Variants in TRPS1 observed in about 807,000 individuals in gnomAD.
TRPS1 encodes the protein zinc finger transcription factor Trps1.
Under a neutral mutation model 101.2 loss-of-function variants are expected in TRPS1, and 6 were observed. The ratio of observed to expected loss-of-function variants is 0.06; its 90% CI spans 0.03 to 0.12. The LOEUF (loss-of-function observed/expected upper bound fraction) is 0.12. Among genes scored for constraint, TRPS1 ranks in the 10% least tolerant of loss-of-function variants. TRPS1 has a pLI of 1.00. For missense variants in TRPS1, 1,363 were observed against 1,567.0 expected (o/e 0.87, Z 2.20); for synonymous variants, 578 against 589.8 (o/e 0.98, Z 0.29).
chr8:115,426,042 T>C (rs1224435792), intron 5 of TRPS1, among the ~76,000 whole-genome samples: 1 of 152,208 alleles, frequency 6.6e-6, no homozygotes, highest in Non-Finnish European at 1.5e-5. Flanking sequence ...AAAGTCATTA[T>C]TGTTAAAAGA....
rs1818820462 is a variant in TRPS1, at chr8:115,638,467, G to A, written c.-121-14709C>T. ...GTCATGAAGGTACCTTTGGGCAGAA[G>A]CCAACACTGCCTTTAAGGCCCCAAA... On this transcript the variant is annotated intron_variant, in intron 1 of 6. Transcript: ENST00000395715. Among the ~76,000 whole-genome samples, 3 of 152,246 alleles carry A rather than the reference G, an allele frequency of 2.0e-5. No homozygotes were observed. The South Asian group carries it at 6.2e-4, about 32-fold the overall frequency.
intron 5 of TRPS1, among the ~76,000 whole-genome samples, chr8:115,471,799 C>T (rs1814476438): frequency 6.6e-6 from 1 of 152,196 alleles, no homozygotes; most frequent in Non-Finnish European, 1.5e-5. Context: ...TTACAGGCCC[C>T]ATGCAAGTCC....
intron 5 of TRPS1, among the ~76,000 whole-genome samples, chr8:115,553,031 C>T (rs375470511): frequency 3.9e-5 from 6 of 152,050 alleles, no homozygotes; most frequent in South Asian, 2.1e-4. Context: ...GAGAATAAGA[C>T]GAATATTCAC....
At chr8:115,532,282 A>T (rs1563579688) in intron 5 of TRPS1, among the ~76,000 whole-genome samples, 1 of 152,134 alleles carries the variant, frequency 6.6e-6, no homozygotes, top group Non-Finnish European at 1.5e-5. Flanking sequence ...ATGGCATGGT[A>T]AATAGTACAG....
At chr8:115,514,085 T>A (rs1815650764) in intron 5 of TRPS1, among the ~76,000 whole-genome samples, 1 of 151,742 alleles carries the variant, frequency 6.6e-6, no homozygotes, top group Non-Finnish European at 1.5e-5. Context: ...AGACATTTTA[T>A]CCAGAAATGC....
Position 115,587,085 on chromosome 8 carries a change from G to C in TRPS1, c.2616C>G (p.Gly872=). Residue 872 remains glycine, a synonymous_variant, in exon 5 of 7, where the codon GGC becomes GGG. Transcript: ENST00000395715. ...TKGFLQGAPA[G]GEKSGALPQQ... ...GGGGGAGGGCCCCAGACTTCTCTCC[G>C]CCAGCTGGCGCCCCCTGCAGGAATC... 6.2e-7 allele frequency: 1 copy of C among 1,614,056 alleles called. No individual in the cohort carries two copies. The highest frequency in any genetic ancestry group is 1.3e-5 in the African/African-American group (1 of 75,044).
At chr8:115,496,724 CACA>C (rs1433801235) in intron 5 of TRPS1, among the ~76,000 whole-genome samples, 2 of 152,012 alleles carry the variant, frequency 1.3e-5, no homozygotes, top group South Asian at 2.1e-4. Context: ...ATTTCACAAC[CACA>C]ACAACAAAAA....
At chr8:115,439,372 T>C (rs552804821) in intron 5 of TRPS1, among the ~76,000 whole-genome samples, 29 of 152,334 alleles carry the variant, frequency 1.9e-4, no homozygotes, top group Admixed American at 2.0e-4. Flanking sequence ...CTAGTGGACA[T>C]GGCAGAGACA....
At chr8:115,474,683 A>G (rs1359810878) in intron 5 of TRPS1, among the ~76,000 whole-genome samples, 3 of 147,506 alleles carry the variant, frequency 2.0e-5, no homozygotes, top group Admixed American at 6.6e-5. Flanking sequence ...ACTTATTAAA[A>G]TATTCAGAAA....
rs1812829523 is a variant in TRPS1 at position 115,413,195 on chromosome 8, G to T, written c.*828C>A. 2 of 152,024 alleles carry T rather than the reference G, an allele frequency of 1.3e-5. No homozygotes were observed. The highest frequency in any genetic ancestry group is 4.8e-5 in the African/African-American group (2 of 41,376). The allele number at this position is 152,024 out of a possible 1,614,324, so 9.4% of individuals were successfully genotyped here. ...GGCTTAGAAAAGCAAATCCATACTG[G>T]TTCATCACACACAAGAAAGAAATAC... On this transcript the variant is annotated 3_prime_UTR_variant, in exon 7 of 7. Transcript: ENST00000395715.
intron 5 of TRPS1, among the ~76,000 whole-genome samples, chr8:115,455,925 C>T (rs546730189): frequency 6.6e-6 from 1 of 151,416 alleles, no homozygotes; most frequent in East Asian, 2.0e-4. Context: ...GCTGGGACTA[C>T]AGGCGCCCGC....
At chr8:115,553,166 C>A (rs899333899) in intron 5 of TRPS1, among the ~76,000 whole-genome samples, 29 of 151,910 alleles carry the variant, frequency 1.9e-4, no homozygotes, top group African/African-American at 6.8e-4. Flanking sequence ...TTATACATAA[C>A]ATTATATAAA....
intron 5 of TRPS1, among the ~76,000 whole-genome samples, chr8:115,521,487 GT>G (rs11362695): frequency 1 from 151,956 of 151,956 alleles, 75,978 homozygotes; most frequent in Non-Finnish European, 1. Flanking sequence ...AGCTCTCTGT[GT>G]TTTCTGTGTT....
chr8:115,562,069 GAAC>G (rs910228887), intron 5 of TRPS1, among the ~76,000 whole-genome samples: 2 of 151,910 alleles, frequency 1.3e-5, no homozygotes, highest in African/African-American at 4.8e-5. Flanking sequence ...ATAGCAGTAA[GAAC>G]AAAACAAATA....
chr8:115,533,436 G>GTTATTTTTTTTTT (rs1816187553), intron 5 of TRPS1, among the ~76,000 whole-genome samples: 1 of 34,986 alleles, frequency 2.9e-5, no homozygotes, highest in African/African-American at 1.0e-4. Flanking sequence ...CATGTAATCT[G>GTTATTTTTTTTTT]TTTTTTTTTT....
intron 5 of TRPS1, among the ~76,000 whole-genome samples, chr8:115,514,887 A>G (rs1373405601): frequency 6.6e-6 from 1 of 151,628 alleles, no homozygotes; most frequent in African/African-American, 2.4e-5. Flanking sequence ...CCATCACAAG[A>G]TCTTTATAGT....
intron 5 of TRPS1, among the ~76,000 whole-genome samples, chr8:115,481,985 A>G (rs1429613808): frequency 6.6e-6 from 1 of 152,162 alleles, no homozygotes; most frequent in Non-Finnish European, 1.5e-5. Flanking sequence ...AGAATAGGAC[A>G]TGGCTTCCAC....
intron 5 of TRPS1, among the ~76,000 whole-genome samples, chr8:115,470,588 G>C (rs1370621946): frequency 6.6e-6 from 1 of 152,094 alleles, no homozygotes; most frequent in Non-Finnish European, 1.5e-5. Context: ...GGTCAATACA[G>C]TTTTATTAAA....
At chr8:115,548,082 A>G (rs1234363969) in intron 5 of TRPS1, among the ~76,000 whole-genome samples, 1 of 151,674 alleles carries the variant, frequency 6.6e-6, no homozygotes, top group East Asian at 2.0e-4. Flanking sequence ...AAAAAAAAAA[A>G]ATAAGTCTGG....
Sources: allele counts gnomAD v4.1 joint callset (sites outside exome capture counted in the v4.1 genomes callset), GRCh38; gene constraint gnomAD v4.1.1; transcripts MANE v1.5; gene names NCBI Gene and HGNC (gene_info 2026-07-23, HGNC 2026-07-21).